The following LTBP1 variants were observed in gnomAD, a reference collection of about 807,000 sequenced individuals.
The protein encoded by LTBP1 is latent-transforming growth factor beta-binding protein 1.
In LTBP1, 129 loss-of-function variants were observed where a neutral mutation model predicts 207.6. That is an observed-to-expected ratio of 0.62 (90% CI 0.54 to 0.72). The LOEUF (loss-of-function observed/expected upper bound fraction) is 0.72, where lower values mean the gene tolerates loss of function less well. Ranked by LOEUF, LTBP1 falls within the 30% of genes least tolerant of loss-of-function variation. The pLI is 0.00. For synonymous variants in LTBP1, 963 were observed against 833.7 expected, an observed-to-expected ratio of 1.16 and a Z score of -2.67; for missense variants, 2,281 against 2,217.2, an observed-to-expected ratio of 1.03 and a Z score of -0.58.
At chr2:33,277,132 T>G (rs1017682418) in intron 18 of LTBP1, among the ~76,000 whole-genome samples, 4 of 152,160 alleles carry the variant, frequency 2.6e-5, no homozygotes, top group Non-Finnish European at 4.4e-5. Flanking sequence ...GTTGGTTTTC[T>G]TCACTGCTCT....
chr2:32,959,054 C>G (rs1678565113), intron 2 of LTBP1, among the ~76,000 whole-genome samples: 1 of 152,172 alleles, frequency 6.6e-6, no homozygotes, highest in Non-Finnish European at 1.5e-5. Context: ...GGCTTTTTTA[C>G]TCCACCACAT....
chr2:32,973,658 C>T (rs184040545), intron 2 of LTBP1, among the ~76,000 whole-genome samples: 1 of 152,270 alleles, frequency 6.6e-6, no homozygotes, highest in East Asian at 1.9e-4. Context: ...CAAAATCACC[C>T]TATTGTGCTA....
chr2:32,958,934 A>G (rs219437), intron 2 of LTBP1, among the ~76,000 whole-genome samples: 72,138 of 151,980 alleles, frequency 0.47, 17,506 homozygotes, highest in Admixed American at 0.54. Context: ...TTTCTGTTCA[A>G]CATCATCATC....
intron 9 of LTBP1, among the ~76,000 whole-genome samples, chr2:33,223,066 T>C (rs1450997995): frequency 1.3e-5 from 2 of 152,194 alleles, no homozygotes; most frequent in Admixed American, 1.3e-4. Flanking sequence ...TCTGTATCCT[T>C]CACCACCATA....
chr2:33,244,354 A>C (rs2092436772), intron 10 of LTBP1, among the ~76,000 whole-genome samples: 2 of 152,124 alleles, frequency 1.3e-5, no homozygotes, highest in South Asian at 4.1e-4. Flanking sequence ...CACCAAAATG[A>C]CCCTAAATTA....
rs1160423311 is a variant in LTBP1, at chr2:33,078,817, T to TTTTTC, written c.864-31757_864-31753dup. On this transcript the variant is annotated intron_variant, in intron 3 of 33. Coordinates refer to ENST00000404816, the MANE Select transcript of LTBP1 (RefSeq NM_206943.4). The stretch of plus-strand genomic sequence containing the variant: ...CTCCTGTGTTATTGGGATAGAATAA[T>TTTTTC]TTTTCTTTTCTTCTCTTCTCTTCTG... Among the ~76,000 whole-genome samples the TTTTTC allele has an allele frequency of 2.0e-5, 3 of 151,722 alleles. No individual in the cohort carries two copies. The East Asian group carries it at 5.8e-4, about 29-fold the overall frequency.
chr2:33,397,164 T>G lies in LTBP1; in HGVS notation c.4866T>G (p.Ala1622=). 6.2e-7 allele frequency: 1 copy of G among 1,614,146 alleles called. No homozygotes were observed. The highest frequency in any genetic ancestry group is 2.2e-5 in the East Asian group (1 of 44,888). ...TAAATAGCTTTGAGGAGTTACAGGC[T>G]GAGGAATGCGGCATCCTCAATGGAT... ...RFLNSFEELQ[A]EECGILNGCE... Residue 1622 remains alanine, a synonymous_variant, in exon 33 of 34, where the codon GCT becomes GCG. Transcript: ENST00000404816.
At chr2:33,261,510 T>C (rs2093008118) in intron 13 of LTBP1, among the ~76,000 whole-genome samples, 1 of 152,048 alleles carries the variant, frequency 6.6e-6, no homozygotes. Flanking sequence ...AAACTGAAAA[T>C]GAGAGTGAGT....
At chr2:33,282,262 G>C (rs1216635749) in intron 19 of LTBP1, among the ~76,000 whole-genome samples, 2 of 151,994 alleles carry the variant, frequency 1.3e-5, no homozygotes, top group Non-Finnish European at 2.9e-5. Flanking sequence ...ATTTCCTATT[G>C]TTAAATGGAG....
intron 21 of LTBP1, among the ~76,000 whole-genome samples, chr2:33,301,154 C>T (rs1183669361): frequency 6.6e-6 from 1 of 152,146 alleles, no homozygotes; most frequent in Admixed American, 6.5e-5. Flanking sequence ...CATTGAATTG[C>T]ACACAGAAAT....
At chr2:33,086,919 C>G (rs945156083) in intron 3 of LTBP1, among the ~76,000 whole-genome samples, 6 of 151,660 alleles carry the variant, frequency 4.0e-5, no homozygotes, top group African/African-American at 1.5e-4. Context: ...ATATCCCCAT[C>G]TTGTGGATAT....
At chr2:33,014,954 C>CTAGA (rs1375364724) in intron 2 of LTBP1, among the ~76,000 whole-genome samples, 3 of 150,976 alleles carry the variant, frequency 2.0e-5, no homozygotes, top group African/African-American at 7.3e-5. Flanking sequence ...TGCAAGCCCA[C>CTAGA]TATCTGAGTT....
chr2:33,227,552 A>G (rs1238092097), intron 9 of LTBP1, among the ~76,000 whole-genome samples: 1 of 152,030 alleles, frequency 6.6e-6, no homozygotes, highest in Admixed American at 6.6e-5. Flanking sequence ...GCCCCATGCC[A>G]CACCCTTAGT....
chr2:33,214,872 TA>T (rs879292706), intron 7 of LTBP1, among the ~76,000 whole-genome samples: 1,647 of 139,598 alleles, frequency 0.012, 14 homozygotes, highest in African/African-American at 0.024. Context: ...CAAGTTCATC[TA>T]AAAAAAAAAA....
chr2:32,958,329 C>A (rs1207734482), intron 2 of LTBP1, among the ~76,000 whole-genome samples: 1 of 152,190 alleles, frequency 6.6e-6, no homozygotes, highest in African/African-American at 2.4e-5. Flanking sequence ...AAAATGAGCT[C>A]TCAGCACCTT....
At chr2:33,140,784 C>T (rs1291717468) in intron 5 of LTBP1, among the ~76,000 whole-genome samples, 7 of 151,796 alleles carry the variant, frequency 4.6e-5, no homozygotes, top group Non-Finnish European at 8.8e-5. Flanking sequence ...TCTCCTGCCT[C>T]GGCCTCTCGA....
At chr2:33,038,966 G>T (rs961355526) in intron 3 of LTBP1, among the ~76,000 whole-genome samples, 1 of 152,174 alleles carries the variant, frequency 6.6e-6, no homozygotes, top group Non-Finnish European at 1.5e-5. Context: ...GGACATCTGC[G>T]CTCAGGGCTC....
chr2:33,044,441 A>C lies in LTBP1; in HGVS notation c.863+23235A>C, dbSNP rs536603588. ...CAGCCATGTCCCTGCAAAGGACATGAACTCATCCTTTTTTATGGCTGCATA... is the reference window on the plus strand; with the variant it reads ...CAGCCATGTCCCTGCAAAGGACATGCACTCATCCTTTTTTATGGCTGCATA... On this transcript the variant is annotated intron_variant, in intron 3 of 33. Transcript: ENST00000404816. Among the ~76,000 whole-genome samples the C allele has an allele frequency of 2.0e-5, 3 of 152,330 alleles. No homozygotes were observed. The South Asian group carries it at 6.2e-4, about 32-fold the overall frequency.
intron 3 of LTBP1, among the ~76,000 whole-genome samples, chr2:33,027,458 T>G (rs2075475300): frequency 6.6e-6 from 1 of 152,218 alleles, no homozygotes; most frequent in South Asian, 2.1e-4. Flanking sequence ...TCTCTGTAAC[T>G]TACTCATCCC....
Sources: gnomAD v4.1 joint callset for allele counts (sites outside exome capture counted in the v4.1 genomes callset) on GRCh38, gnomAD v4.1.1 for gene constraint, MANE v1.5 for transcripts, NCBI Gene and HGNC (gene_info 2026-07-23, HGNC 2026-07-21) for gene names.